Variants in CLDN17 observed in about 807,000 individuals in gnomAD.
The protein encoded by CLDN17 is claudin-17.
In CLDN17, 1 loss-of-function variant was observed where a neutral mutation model predicts 0.1. The ratio of observed to expected loss-of-function variants is 8.90; its 90% CI spans 3.16 to 42.21. The LOEUF is 42.21. Ranked by LOEUF, CLDN17 falls within the 30% of genes most tolerant of loss-of-function variation. The pLI, the probability that CLDN17 is intolerant of heterozygous loss-of-function variation, is 0.11. For synonymous variants in CLDN17, 134 were observed against 106.7 expected, an observed-to-expected ratio of 1.26 and a Z score of -1.58; for missense variants, 294 against 274.9, an observed-to-expected ratio of 1.07 and a Z score of -0.49.
At position 30,166,376 on chromosome 21, in the gene CLDN17, C is replaced by T. The variant is rs141599246; in HGVS notation, c.242G>A (p.Arg81Gln). 2.1e-4 allele frequency: 343 copies of T among 1,614,026 alleles called. 2 individuals are homozygous for T. In the African/African-American group the frequency reaches 4.1e-3, roughly 19 times the overall value. The change falls in exon 1 of 1, where the codon CGG (arginine) becomes CAG (glutamine). Residue 81 changes from arginine (R) to glutamine (Q), a missense_variant. Coordinates refer to ENST00000286808, the MANE Select transcript of CLDN17 (RefSeq NM_012131.3). ...LALPPALETA[R>Q]ALMCVAVALS... ...AGCAACAGCCACACACATGAGGGCC[C>T]GGGCTGTTTCCAGGGCAGGCGGGAG...
At position 30,166,574 on chromosome 21, in the gene CLDN17, A is replaced by G. The variant is rs754192578; in HGVS notation, c.44T>C (p.Phe15Ser). 4.3e-6 allele frequency: 7 copies of G among 1,613,624 alleles called. No individual in the cohort carries two copies. Among genetic ancestry groups the G allele is most frequent in the Non-Finnish European group, 5.9e-6 (7 of 1,179,864 alleles). ...GGCAAGAGTCCCCACCATGCCAAGG[A>G]ACCCAAGAACCAGCCCAGCAATTTG... is the stretch of plus-strand genomic sequence containing the variant. ...PLQIAGLVLG[F>S]LGMVGTLATT... Residue 15 changes from phenylalanine to serine, a missense_variant, in exon 1 of 1, where the codon TTC becomes TCC. Transcript: ENST00000286808.
chr21:30,166,562 A>G lies in CLDN17; in HGVS notation c.56T>C (p.Val19Ala), dbSNP rs780998613. ...AGLVLGFLGM[V>A]GTLATTLLPQ... ...CAGAAGGGTTGTGGCAAGAGTCCCC[A>G]CCATGCCAAGGAACCCAAGAACCAG... Residue 19 changes from valine (V) to alanine (A), a missense_variant, in exon 1 of 1, where the codon GTG becomes GCG. Val to Ala is a moderately conservative substitution (Grantham distance 64). Transcript: ENST00000286808. 4 of 1,614,010 alleles carry G rather than the reference A, an allele frequency of 2.5e-6. No individual in the cohort carries two copies. Among genetic ancestry groups the G allele is most frequent in the Non-Finnish European group, 2.5e-6 (3 of 1,179,962 alleles).
At position 30,165,637 on chromosome 21, in the gene CLDN17, G is replaced by C. The variant is rs146762160; in HGVS notation, c.*306C>G. ...TTTAGATTCTTATCAGATAATACATGATGGTCAAAAAGTAATAAGTAGTCC... is the reference window on the plus strand; with the variant it reads ...TTTAGATTCTTATCAGATAATACATCATGGTCAAAAAGTAATAAGTAGTCC... On this transcript the variant is annotated 3_prime_UTR_variant, in exon 1 of 1. Coordinates refer to ENST00000286808, the MANE Select transcript of CLDN17 (RefSeq NM_012131.3). 457 of 386,762 alleles carry C rather than the reference G, an allele frequency of 1.2e-3. No homozygotes were observed. The highest frequency in any genetic ancestry group is 8.3e-3 in the African/African-American group (404 of 48,602). 24.0% of individuals were successfully genotyped at this position (386,762 alleles called of 1,614,324 possible). A position where few individuals can be genotyped will look rare whatever the true frequency, so the allele number is the denominator to read the frequency against.
At position 30,165,641 on chromosome 21, in the gene CLDN17, G is replaced by A; in HGVS notation, c.*302C>T. ...GATTCTTATCAGATAATACATGATGGTCAAAAAGTAATAAGTAGTCCATCA... is the reference window on the plus strand; with the variant it reads ...GATTCTTATCAGATAATACATGATGATCAAAAAGTAATAAGTAGTCCATCA... On this transcript the variant is annotated 3_prime_UTR_variant, in exon 1 of 1. Transcript: ENST00000286808. 1 of 394,446 alleles carries A rather than the reference G, an allele frequency of 2.5e-6. No individual in the cohort carries two copies. The highest frequency in any genetic ancestry group is 4.5e-6 in the Non-Finnish European group (1 of 220,072). The allele number at this position is 394,446 out of a possible 1,614,324, so 24.4% of individuals were successfully genotyped here.
rs765477205 is a variant in CLDN17, at chr21:30,166,222, G to A, written c.396C>T (p.Phe132=). 6.2e-6 allele frequency: 10 copies of A among 1,614,028 alleles called. No homozygotes were observed. The highest frequency in any genetic ancestry group is 1.7e-5 in the Admixed American group (1 of 60,000). ...CTGTCCAGCTCACCGGAATCAGAAC[G>A]AAGATGCCCGTCAGGATGAAGAGGA... is the stretch of plus-strand genomic sequence containing the variant. ...SGVLFILTGI[F]VLIPVSWTAN... Residue 132 remains phenylalanine (F), a synonymous_variant, in exon 1 of 1, where the codon TTC becomes TTT. Coordinates refer to ENST00000286808, the MANE Select transcript of CLDN17 (RefSeq NM_012131.3).
Position 30,165,664 on chromosome 21 carries a change from T to C in CLDN17, c.*279A>G, listed in dbSNP as rs890562482. ...TGGTCAAAAAGTAATAAGTAGTCCATCATTGTACACTTGCTAATGATTATG... is the reference window on the plus strand; with the variant it reads ...TGGTCAAAAAGTAATAAGTAGTCCACCATTGTACACTTGCTAATGATTATG... On this transcript the variant is annotated 3_prime_UTR_variant, in exon 1 of 1. Transcript: ENST00000286808. 1 of 482,868 alleles carries C rather than the reference T, an allele frequency of 2.1e-6. No individual in the cohort carries two copies. The highest frequency in any genetic ancestry group is 1.9e-5 in the African/African-American group (1 of 51,470). 29.9% of individuals were successfully genotyped at this position (482,868 alleles called of 1,614,324 possible).
At position 30,166,061 on chromosome 21, in the gene CLDN17, C is replaced by CA; in HGVS notation, c.556dup (p.Cys186LeufsTer24). The CA allele has an allele frequency of 6.2e-7, 1 of 1,614,188 alleles. No homozygotes were observed. The highest frequency in any genetic ancestry group is 8.5e-7 in the Non-Finnish European group (1 of 1,180,042). ...CCCTTGCTTCTTTCTGTTGCAGCAG[C>CA]AAAATCCACAAAGCAGACCCCCTCC... On this transcript the variant is annotated frameshift_variant, in exon 1 of 1. Transcript: ENST00000286808. LOFTEE classifies it low-confidence loss of function (END_TRUNC).
chr21:30,166,677 C>T lies in CLDN17; in HGVS notation c.-60G>A, dbSNP rs974692167. On this transcript the variant is annotated 5_prime_UTR_variant, in exon 1 of 1. Coordinates refer to ENST00000286808, the MANE Select transcript of CLDN17 (RefSeq NM_012131.3). ...GGTAGAAGATGCTCAAGATGTAGAA[C>T]GTGGAAGCCTTTTGAGTCTAGAGAA... 3 of 1,457,826 alleles carry T rather than the reference C, an allele frequency of 2.1e-6. No homozygotes were observed. Among genetic ancestry groups the T allele is most frequent in the Admixed American group, 4.2e-5 (2 of 47,188 alleles). 90.3% of individuals were successfully genotyped at this position (1,457,826 alleles called of 1,614,324 possible). A position where few individuals can be genotyped will look rare whatever the true frequency, so the allele number is the denominator to read the frequency against.
Position 30,166,084 on chromosome 21 carries a change from T to C in CLDN17, c.534A>G (p.Gly178=). The part of the protein sequence containing the change: ...GWASAAVLFI[G]GGLLCGFCCC... ...AGCAAAATCCACAAAGCAGACCCCC[T>C]CCAATGAAGAGGACAGCAGCGCTTG... Residue 178 remains glycine, a synonymous_variant, in exon 1 of 1, where the codon GGA becomes GGG. Transcript: ENST00000286808. 1 of 1,614,110 alleles carries C rather than the reference T, an allele frequency of 6.2e-7. No individual in the cohort carries two copies. Among genetic ancestry groups the C allele is most frequent in the Non-Finnish European group, 8.5e-7 (1 of 1,180,028 alleles).
Position 30,166,803 on chromosome 21 carries a change from C to A in CLDN17, c.-186G>T. 1.7e-6 allele frequency: 1 copy of A among 585,986 alleles called. No individual in the cohort carries two copies. Among genetic ancestry groups the A allele is most frequent in the South Asian group, 2.4e-5 (1 of 41,474 alleles). The allele number at this position is 585,986 out of a possible 1,614,324, so 36.3% of individuals were successfully genotyped here. ...TAACTAGAAGTACCTGTTGTAAATG[C>A]ATGTTGCCTTTTTTCATACACATTC... On this transcript the variant is annotated 5_prime_UTR_variant, in exon 1 of 1. An upstream start codon of the reference 5' UTR is lost. Transcript: ENST00000286808.
chr21:30,166,543 G>C lies in CLDN17; in HGVS notation c.75C>G (p.Thr25=), dbSNP rs751242174. The C allele has an allele frequency of 1.9e-6, 3 of 1,614,158 alleles. No individual in the cohort carries two copies. The highest frequency in any genetic ancestry group is 1.1e-5 in the South Asian group (1 of 91,086). ...CTGATACTCTCCACTGAGGCAGAAGGGTTGTGGCAAGAGTCCCCACCATGC... is the reference window on the plus strand; with the variant it reads ...CTGATACTCTCCACTGAGGCAGAAGCGTTGTGGCAAGAGTCCCCACCATGC... ...FLGMVGTLAT[T]LLPQWRVSAF... is the part of the protein sequence containing the mutation. The change falls in exon 1 of 1, where the codon ACC becomes ACG. Residue 25 remains threonine, a synonymous_variant. Coordinates refer to ENST00000286808, the MANE Select transcript of CLDN17 (RefSeq NM_012131.3).
In CLDN17 at chr21:30,166,768, G is replaced by C. The variant is rs1055423260; in HGVS notation, c.-151C>G. On this transcript the variant is annotated 5_prime_UTR_variant, in exon 1 of 1. It introduces an in-frame stop codon into an upstream open reading frame of the 5' UTR. Coordinates refer to ENST00000286808, the MANE Select transcript of CLDN17 (RefSeq NM_012131.3). ...TTAGTCCAAATCAGTAGCTGTGACT[G>C]AACTTGGCCTAACTAGAAGTACCTG... is the stretch of plus-strand genomic sequence containing the variant. The C allele has an allele frequency of 1.5e-6, 1 of 669,596 alleles. No individual in the cohort carries two copies. Among genetic ancestry groups the C allele is most frequent in the African/African-American group, 1.8e-5 (1 of 54,880 alleles). The allele number at this position is 669,596 out of a possible 1,614,324, so 41.5% of individuals were successfully genotyped here.
rs528102692 is a variant in CLDN17, at chr21:30,165,886, A to G, written c.*57T>C. The stretch of plus-strand genomic sequence containing the variant: ...CCTGCCTCACATACTTACAGTTTCT[A>G]GCAGGACTTTATAAAAAACATTGAC... On this transcript the variant is annotated 3_prime_UTR_variant, in exon 1 of 1. Transcript: ENST00000286808. 6 of 1,490,364 alleles carry G rather than the reference A, an allele frequency of 4.0e-6. No homozygotes were observed. In the African/African-American group the frequency reaches 5.6e-5, roughly 14 times the overall value. 92.3% of individuals were successfully genotyped at this position (1,490,364 alleles called of 1,614,324 possible).
chr21:30,166,570 A>G lies in CLDN17; in HGVS notation c.48T>C (p.Leu16=). 1 of 1,613,760 alleles carries G rather than the reference A, an allele frequency of 6.2e-7. No homozygotes were observed. Among genetic ancestry groups the G allele is most frequent in the Non-Finnish European group, 8.5e-7 (1 of 1,179,908 alleles). The change falls in exon 1 of 1, where the codon CTT becomes CTC. Residue 16 remains leucine, a synonymous_variant. Transcript: ENST00000286808. ...TTGTGGCAAGAGTCCCCACCATGCC[A>G]AGGAACCCAAGAACCAGCCCAGCAA... The part of the protein sequence containing the change: ...LQIAGLVLGF[L]GMVGTLATTL...
At position 30,166,429 on chromosome 21, in the gene CLDN17, T is replaced by C; in HGVS notation, c.189A>G (p.Gln63=). The C allele has an allele frequency of 6.2e-7, 1 of 1,614,084 alleles. No individual in the cohort carries two copies. ...CCAACAAGGAGCTATAGAACTTGCA[T>C]TGCAACCGGACCCTGGCTTGTCGGA... The part of the protein sequence containing the change: ...NCIRQARVRL[Q]CKFYSSLLAL... Residue 63 remains glutamine (Q), a synonymous_variant, in exon 1 of 1, where the codon CAA becomes CAG. Transcript: ENST00000286808.
Position 30,166,777 on chromosome 21 carries a change from C to T in CLDN17, c.-160G>A. The T allele has an allele frequency of 1.6e-6, 1 of 640,778 alleles. No homozygotes were observed. The highest frequency in any genetic ancestry group is 2.7e-6 in the Non-Finnish European group (1 of 366,358). The allele number at this position is 640,778 out of a possible 1,614,324, so 39.7% of individuals were successfully genotyped here. A position where few individuals can be genotyped will look rare whatever the true frequency, so the allele number is the denominator to read the frequency against. On this transcript the variant is annotated 5_prime_UTR_variant, in exon 1 of 1. Transcript: ENST00000286808. Reference sequence around the variant, plus strand: ...ATCAGTAGCTGTGACTGAACTTGGCCTAACTAGAAGTACCTGTTGTAAATG... The same window carrying T: ...ATCAGTAGCTGTGACTGAACTTGGCTTAACTAGAAGTACCTGTTGTAAATG...
Position 30,165,883 on chromosome 21 carries a change from T to C in CLDN17, c.*60A>G. 1 of 1,482,474 alleles carries C rather than the reference T, an allele frequency of 6.7e-7. No homozygotes were observed. The highest frequency in any genetic ancestry group is 9.2e-7 in the Non-Finnish European group (1 of 1,086,920). 91.8% of individuals were successfully genotyped at this position (1,482,474 alleles called of 1,614,324 possible). On this transcript the variant is annotated 3_prime_UTR_variant, in exon 1 of 1. Coordinates refer to ENST00000286808, the MANE Select transcript of CLDN17 (RefSeq NM_012131.3). ...TCTCCTGCCTCACATACTTACAGTT[T>C]CTAGCAGGACTTTATAAAAAACATT...
chr21:30,166,367 A>C lies in CLDN17; in HGVS notation c.251T>G (p.Met84Arg), dbSNP rs1980848377. ...PPALETARAL[M>R]CVAVALSLIA... ...CAAGGAGAGAGCAACAGCCACACAC[A>C]TGAGGGCCCGGGCTGTTTCCAGGGC... Residue 84 changes from methionine (M) to arginine (R), a missense_variant, in exon 1 of 1, where the codon ATG becomes AGG. Met to Arg is a moderately conservative substitution (Grantham distance 91). Coordinates refer to ENST00000286808, the MANE Select transcript of CLDN17 (RefSeq NM_012131.3). 6.2e-7 allele frequency: 1 copy of C among 1,614,126 alleles called. No homozygotes were observed.
At position 30,166,233 on chromosome 21, in the gene CLDN17, T is replaced by A. The variant is rs751268131; in HGVS notation, c.385A>T (p.Thr129Ser). 8.7e-6 allele frequency: 14 copies of A among 1,614,014 alleles called. No individual in the cohort carries two copies. Among genetic ancestry groups the A allele is most frequent in the Non-Finnish European group, 1.1e-5 (13 of 1,180,030 alleles). The change falls in exon 1 of 1, where the codon ACG becomes TCG. Residue 129 changes from threonine to serine, a missense_variant. Physicochemically the swap from Thr to Ser is moderately conservative, Grantham distance 58. Coordinates refer to ENST00000286808, the MANE Select transcript of CLDN17 (RefSeq NM_012131.3). ...LGTSGVLFILTGIFVLIPVSW... is the reference protein window; with the variant it reads ...LGTSGVLFILSGIFVLIPVSW... Reference sequence around the variant, plus strand: ...ACCGGAATCAGAACGAAGATGCCCGTCAGGATGAAGAGGACTCCTGAAGTT... The same window carrying A: ...ACCGGAATCAGAACGAAGATGCCCGACAGGATGAAGAGGACTCCTGAAGTT...
Sources: gnomAD v4.1 joint callset for allele counts on GRCh38, gnomAD v4.1.1 for gene constraint, MANE v1.5 for transcripts, NCBI Gene and HGNC (gene_info 2026-07-23, HGNC 2026-07-21) for gene names.